HCN1: variants seen among roughly 807,000 people sequenced by gnomAD.
HCN1 encodes the protein potassium/sodium hyperpolarization-activated cyclic nucleotide-gated channel 1.
HCN1 carries 13 observed loss-of-function variants against 78.9 expected under a neutral mutation model. That is an observed-to-expected ratio of 0.16 (90% CI 0.11 to 0.26). The LOEUF is 0.26. Among genes scored for constraint, HCN1 ranks in the 10% least tolerant of loss-of-function variants. The pLI, the probability that HCN1 is intolerant of heterozygous loss-of-function variation, is 1.00. For synonymous variants in HCN1, 552 were observed against 455.5 expected, an observed-to-expected ratio of 1.21 and a Z score of -2.70; for missense variants, 810 against 1,154.3, an observed-to-expected ratio of 0.70 and a Z score of 4.32.
chr5:45,445,687 A>T (rs1367748359), intron 3 of HCN1, among the ~76,000 whole-genome samples: 2 of 152,178 alleles, frequency 1.3e-5, no homozygotes, highest in Admixed American at 1.3e-4. Context: ...CTCTGAGACA[A>T]AACTTCCAGA....
At chr5:45,434,791 G>A (rs1740531486) in intron 3 of HCN1, among the ~76,000 whole-genome samples, 2 of 152,002 alleles carry the variant, frequency 1.3e-5, no homozygotes, top group Non-Finnish European at 2.9e-5. Flanking sequence ...CAAGGAGTAT[G>A]GCATCATTGG....
chr5:45,374,385 G>T (rs2112014736), intron 4 of HCN1, among the ~76,000 whole-genome samples: 1 of 143,048 alleles, frequency 7.0e-6, no homozygotes, highest in East Asian at 2.0e-4. Flanking sequence ...ATATCCCTCA[G>T]AGACTACCAC....
chr5:45,346,492 G>A (rs1187321667), intron 5 of HCN1, among the ~76,000 whole-genome samples: 2 of 152,144 alleles, frequency 1.3e-5, no homozygotes, highest in African/African-American at 2.4e-5. Context: ...CATCTCACTA[G>A]GGAGTACCAG....
intron 2 of HCN1, among the ~76,000 whole-genome samples, chr5:45,613,091 T>G (rs1189097298): frequency 1.3e-5 from 2 of 151,596 alleles, no homozygotes; most frequent in African/African-American, 4.8e-5. Flanking sequence ...GCCATGCTGG[T>G]GCACTGCACC....
chr5:45,298,793 G>A (rs959273205), intron 6 of HCN1, among the ~76,000 whole-genome samples: 1 of 151,914 alleles, frequency 6.6e-6, no homozygotes, highest in Admixed American at 6.6e-5. Flanking sequence ...ACCTTCCAAA[G>A]AGTACAGTAT....
At chr5:45,641,920 T>A (rs1040949949) in intron 2 of HCN1, 1 of 152,162 alleles carries the variant, frequency 6.6e-6, no homozygotes, top group African/African-American at 2.4e-5. Flanking sequence ...ACCGTATGTC[T>A]CTTTTAGGAA....
intron 3 of HCN1, among the ~76,000 whole-genome samples, chr5:45,457,148 A>G (rs1741045463): frequency 6.6e-6 from 1 of 152,098 alleles, no homozygotes; most frequent in South Asian, 2.1e-4. Context: ...CTAGGAATGT[A>G]CTGTTTAGCT....
At chr5:45,264,160 T>G (rs2111842315) in intron 7 of HCN1, among the ~76,000 whole-genome samples, 1 of 152,280 alleles carries the variant, frequency 6.6e-6, no homozygotes. Flanking sequence ...TTCTGAATGG[T>G]TGTTGTGAGG....
At chr5:45,263,313 G>A (rs989816670) in intron 7 of HCN1, among the ~76,000 whole-genome samples, 5 of 151,962 alleles carry the variant, frequency 3.3e-5, no homozygotes, top group African/African-American at 7.3e-5. Context: ...TACCTGAAAG[G>A]AGATCAGGAC....
At chr5:45,656,827 T>G (rs2112049382) in intron 1 of HCN1, among the ~76,000 whole-genome samples, 1 of 152,322 alleles carries the variant, frequency 6.6e-6, no homozygotes, top group Non-Finnish European at 1.5e-5. Flanking sequence ...CAACCTCTAC[T>G]TATTTATGTT....
intron 3 of HCN1, among the ~76,000 whole-genome samples, chr5:45,446,364 C>A (rs1382070709): frequency 1.3e-5 from 2 of 152,068 alleles, no homozygotes; most frequent in African/African-American, 2.4e-5. Context: ...ACGAACAAAG[C>A]CTCCAAGAAA....
chr5:45,556,453 GTTATTAGTCA>G, intron 2 of HCN1, among the ~76,000 whole-genome samples: 2 of 151,982 alleles, frequency 1.3e-5, no homozygotes, highest in South Asian at 4.2e-4. Flanking sequence ...ATTCCTTCAT[GTTATTAGTCA>G]TATTTCACCA....
chr5:45,462,177 G>A (rs1252994054), intron 2 of HCN1, among the ~76,000 whole-genome samples, 170 bp from the exon 3 acceptor site: 1 of 151,992 alleles, frequency 6.6e-6, no homozygotes, highest in Non-Finnish European at 1.5e-5. Flanking sequence ...TTACAATAAG[G>A]TTGACACTCC....
chr5:45,431,101 C>T (rs761683978), intron 3 of HCN1, among the ~76,000 whole-genome samples: 1 of 152,130 alleles, frequency 6.6e-6, no homozygotes, highest in Non-Finnish European at 1.5e-5. Flanking sequence ...TTACCAGCAT[C>T]TGTTATTTTT....
At chr5:45,333,068 G>A (rs1363653435) in intron 5 of HCN1, among the ~76,000 whole-genome samples, 1 of 151,702 alleles carries the variant, frequency 6.6e-6, no homozygotes, top group Non-Finnish European at 1.5e-5. Flanking sequence ...GCTCCAAACT[G>A]TTTTCCATAG....
At chr5:45,408,473 T>C (rs1739968313) in intron 3 of HCN1, among the ~76,000 whole-genome samples, 1 of 152,196 alleles carries the variant, frequency 6.6e-6, no homozygotes, top group Non-Finnish European at 1.5e-5. Context: ...TGTAGAGGTT[T>C]GCTGCCTAGG....
At chr5:45,677,987 C>CGT (rs981929463) in intron 1 of HCN1, among the ~76,000 whole-genome samples, 5 of 70,392 alleles carry the variant, frequency 7.1e-5, no homozygotes, top group African/African-American at 3.2e-4. Context: ...TACACACACA[C>CGT]ATACACACAC....
At chr5:45,373,319 T>C (rs1361049923) in intron 4 of HCN1, among the ~76,000 whole-genome samples, 3 of 116,164 alleles carry the variant, frequency 2.6e-5, no homozygotes, top group Non-Finnish European at 5.0e-5. Context: ...ATATATAAAA[T>C]ATATATTTCA....
Position 45,267,202 on chromosome 5 carries a change from G to A in HCN1, c.1670C>T (p.Thr557Ile). 1 of 1,613,930 alleles carries A rather than the reference G, an allele frequency of 6.2e-7. No homozygotes were observed. Among genetic ancestry groups the A allele is most frequent in the Non-Finnish European group, 8.5e-7 (1 of 1,179,872 alleles). Reference sequence around the variant, plus strand: ...GGAAAGTGAGTAAAGACGACAATATGTATCAGCTCGAACACTGGCAGTACG... The same window carrying A: ...GGAAAGTGAGTAAAGACGACAATATATATCAGCTCGAACACTGGCAGTACG... ...GRRTASVRAD[T>I]YCRLYSLSVD... The change falls in exon 7 of 8, where the codon ACA becomes ATA. Residue 557 changes from threonine (T) to isoleucine (I), a missense_variant. Thr to Ile is a moderately conservative substitution (Grantham distance 89). Around this residue, in one of 6 missense-constraint regions of HCN1, gnomAD observed 36 missense variants for 58.5 expected, o/e 0.62. Transcript: ENST00000303230.
Sources: gnomAD v4.1 joint callset for allele counts (sites outside exome capture counted in the v4.1 genomes callset) on GRCh38, gnomAD v4.1.1 for gene constraint, gnomAD v4.1.1 regional missense constraint, MANE v1.5 for transcripts, NCBI Gene and HGNC (gene_info 2026-07-23, HGNC 2026-07-21) for gene names.